SDK1: variants seen among roughly 807,000 people sequenced by gnomAD.
SDK1 encodes the protein protein sidekick-1.
A neutral mutation model predicts 245.5 loss-of-function variants in SDK1; 157 were observed. The observed-to-expected ratio is 0.64, with a 90% CI of 0.56 to 0.73. The LOEUF is 0.73. Among genes scored for constraint, SDK1 ranks in the 30% least tolerant of loss-of-function variants. The probability of loss-of-function intolerance (pLI) is 0.00; values close to 1 mark genes in which losing one functional copy is unlikely to be tolerated. For synonymous variants in SDK1, 1,647 were observed against 1,278.5 expected (o/e 1.29, Z -6.15); for missense variants, 3,583 against 3,002.3 (o/e 1.19, Z -4.52).
intron 40 of SDK1, chr7:4,232,969 G>A (rs1442284484): frequency 1.3e-5 from 4 of 298,604 alleles, no homozygotes; most frequent in African/African-American, 8.3e-5. Flanking sequence ...TATATTTACT[G>A]TGGGGAGATA....
rs369128144 is a variant in SDK1 at position 4,241,800 on chromosome 7, G to T, written c.6138G>T (p.Gly2046=). Residue 2046 remains glycine (G), a synonymous_variant, in exon 43 of 45, where the codon GGG becomes GGT. Transcript: ENST00000404826. ...KKYKNCSTGK[G]ISTMEESVTL... ...TCTCCTGCTGGGCTTTAGGAAAGGG[G>T]ATCTCCACCATGGAGGAGTCTGTGA... 9.3e-6 allele frequency: 15 copies of T among 1,614,030 alleles called. No homozygotes were observed. In the African/African-American group the frequency reaches 1.6e-4, roughly 17 times the overall value.
intron 23 of SDK1, among the ~76,000 whole-genome samples, chr7:4,111,423 C>G (rs1026488631): frequency 6.6e-6 from 1 of 151,426 alleles, no homozygotes; most frequent in African/African-American, 2.4e-5. Flanking sequence ...ACATTTCATA[C>G]GATTGGAGAA....
chr7:3,936,177 C>G (rs1361487995), intron 5 of SDK1, among the ~76,000 whole-genome samples: 2 of 152,124 alleles, frequency 1.3e-5, no homozygotes, highest in Non-Finnish European at 2.9e-5. Context: ...CATGAGTTAT[C>G]TAGAATCAAG....
intron 5 of SDK1, among the ~76,000 whole-genome samples, chr7:3,837,723 T>C (rs1406732222): frequency 2.0e-5 from 3 of 152,232 alleles, no homozygotes; most frequent in African/African-American, 7.2e-5. Flanking sequence ...CATGGAGCTA[T>C]TGAATACTTG....
At chr7:3,405,920 C>G (rs1414226893) in intron 1 of SDK1, among the ~76,000 whole-genome samples, 1 of 148,280 alleles carries the variant, frequency 6.7e-6, no homozygotes, top group Non-Finnish European at 1.5e-5. Flanking sequence ...TCAAGTGATT[C>G]TTCTGCATCA....
chr7:3,428,657 C>T (rs1358123635), intron 1 of SDK1, among the ~76,000 whole-genome samples: 1 of 152,120 alleles, frequency 6.6e-6, no homozygotes, highest in African/African-American at 2.4e-5. Context: ...CTTGGGCTAA[C>T]CATGTAAGAC....
rs147893970 is a variant in SDK1 at position 4,194,843 on chromosome 7, A to G, written c.5099-11036A>G. ...CAGGATTAATACTTTGAATCCTTCA[A>G]TCCAATCAAGTTGACACTCAGTATT... is the stretch of plus-strand genomic sequence containing the variant. On this transcript the variant is annotated intron_variant, in intron 35 of 44. Coordinates refer to ENST00000404826, the MANE Select transcript of SDK1 (RefSeq NM_152744.4). Among the ~76,000 whole-genome samples, 1,472 of 152,308 alleles carry G rather than the reference A, an allele frequency of 9.7e-3. 25 individuals are homozygous for G. The highest frequency in any genetic ancestry group is 0.034 in the African/African-American group (1,392 of 41,552).
intron 14 of SDK1, among the ~76,000 whole-genome samples, chr7:3,991,372 C>G (rs11980257): frequency 0.056 from 8,583 of 152,214 alleles, 767 homozygotes; most frequent in African/African-American, 0.19. Flanking sequence ...TACGCCCAGG[C>G]AGAAATGGCT....
chr7:3,968,809 T>C (rs1352085059), intron 10 of SDK1, among the ~76,000 whole-genome samples: 1 of 152,224 alleles, frequency 6.6e-6, no homozygotes, highest in Admixed American at 6.5e-5. Context: ...CCTTAAGTTA[T>C]TTCTTTGTTG....
In SDK1 at chr7:3,690,122, A is replaced by T. The variant is rs139260663; in HGVS notation, c.713+48017A>T. Among the ~76,000 whole-genome samples the T allele has an allele frequency of 9.8e-4, 150 of 152,302 alleles. 2 individuals carry two copies. Among genetic ancestry groups the T allele is most frequent in the African/African-American group, 3.5e-3 (146 of 41,586 alleles). On this transcript the variant is annotated intron_variant, in intron 4 of 44. Transcript: ENST00000404826. The stretch of plus-strand genomic sequence containing the variant: ...ATGTTTATGACACAGAACAGATCGA[A>T]CCTTTTGGAAAAATCTGGAATGGAA...
At chr7:3,753,062 T>C (rs1445380689) in intron 4 of SDK1, among the ~76,000 whole-genome samples, 2 of 152,204 alleles carry the variant, frequency 1.3e-5, no homozygotes, top group African/African-American at 4.8e-5. Context: ...ACTGAGATCT[T>C]TCAATGTACT....
rs75996567 is a variant in SDK1, at chr7:3,364,086, A to C, written c.298+62202A>C. Among the ~76,000 whole-genome samples, 17 of 152,216 alleles carry C rather than the reference A, an allele frequency of 1.1e-4. No homozygotes were observed. In the East Asian group the frequency reaches 2.7e-3, roughly 24 times the overall value. On this transcript the variant is annotated intron_variant, in intron 1 of 44. Coordinates refer to ENST00000404826, the MANE Select transcript of SDK1 (RefSeq NM_152744.4). ...TTTCATGTGCTTGTTTGTCATCTCT[A>C]TATCCTCTTCAGTGAAACGTTTATG...
Position 3,464,006 on chromosome 7 carries a change from G to C in SDK1, c.299-155074G>C, listed in dbSNP as rs993959708. On this transcript the variant is annotated intron_variant, in intron 1 of 44. Transcript: ENST00000404826. Reference sequence around the variant, plus strand: ...GCAGATGTCAAATGTTTCTCTTACAGTTCATTTATATTTCTCTGATAGCTT... The same window carrying C: ...GCAGATGTCAAATGTTTCTCTTACACTTCATTTATATTTCTCTGATAGCTT... 2.0e-5 allele frequency among the ~76,000 whole-genome samples: 3 copies of C among 152,100 alleles called. No homozygotes were observed. The East Asian group carries it at 5.8e-4, about 29-fold the overall frequency.
At chr7:3,731,931 A>G (rs1583352148) in intron 4 of SDK1, among the ~76,000 whole-genome samples, 1 of 152,264 alleles carries the variant, frequency 6.6e-6, no homozygotes, top group East Asian at 1.9e-4. Context: ...AGCTGGGACT[A>G]CAGGTGCCCA....
chr7:3,345,902 C>G (rs1269929683), intron 1 of SDK1, among the ~76,000 whole-genome samples: 1 of 152,200 alleles, frequency 6.6e-6, no homozygotes, highest in Non-Finnish European at 1.5e-5. Context: ...GTCAGGCGTT[C>G]AGTCTGTTGG....
intron 1 of SDK1, among the ~76,000 whole-genome samples, chr7:3,562,206 T>C (rs1013361810): frequency 5.9e-5 from 9 of 152,200 alleles, no homozygotes; most frequent in Admixed American, 1.3e-4. Context: ...CAGACTCTTA[T>C]CTCCAAGGAT....
At chr7:3,326,528 G>A (rs1299903225) in intron 1 of SDK1, among the ~76,000 whole-genome samples, 1 of 152,114 alleles carries the variant, frequency 6.6e-6, no homozygotes, top group Non-Finnish European at 1.5e-5. Flanking sequence ...ATACTTTGAA[G>A]TAGGATTGCT....
At chr7:3,873,075 T>C (rs76601189) in intron 5 of SDK1, among the ~76,000 whole-genome samples, 7,816 of 152,266 alleles carry the variant, frequency 0.051, 639 homozygotes, top group African/African-American at 0.17. Flanking sequence ...CTCTGACCTA[T>C]ATCATACTCC....
intron 4 of SDK1, among the ~76,000 whole-genome samples, chr7:3,771,612 C>G (rs1193652935): frequency 2.0e-5 from 3 of 152,106 alleles, no homozygotes; most frequent in Non-Finnish European, 4.4e-5. Flanking sequence ...TGAAGCCATC[C>G]ATCATGGAAA....
Sources: allele counts gnomAD v4.1 joint callset (sites outside exome capture counted in the v4.1 genomes callset), GRCh38; gene constraint gnomAD v4.1.1; transcripts MANE v1.5; gene names NCBI Gene and HGNC (gene_info 2026-07-23, HGNC 2026-07-21).